Variants in TNS3 observed in about 807,000 individuals in gnomAD.
The protein encoded by TNS3 is tensin 3.
In TNS3, 45 loss-of-function variants were observed where a neutral mutation model predicts 140.9. The observed-to-expected ratio is 0.32, with a 90% confidence interval of 0.25 to 0.41. TNS3 has a LOEUF of 0.41. Ranked by LOEUF, TNS3 falls within the 10% of genes least tolerant of loss-of-function variation. The pLI, the probability that TNS3 is intolerant of heterozygous loss-of-function variation, is 1.00. For synonymous variants in TNS3, 815 were observed against 788.4 expected, an observed-to-expected ratio of 1.03 and a Z score of -0.56; for missense variants, 1,716 against 1,906.7, an observed-to-expected ratio of 0.90 and a Z score of 1.86.
At chr7:47,423,567 T>G (rs1033336695) in intron 10 of TNS3, among the ~76,000 whole-genome samples, 1 of 152,236 alleles carries the variant, frequency 6.6e-6, no homozygotes, top group Non-Finnish European at 1.5e-5. Context: ...AGGGAACTGA[T>G]GAGCTACAAG....
chr7:47,285,417 T>C (rs1785363956), intron 27 of TNS3, among the ~76,000 whole-genome samples: 1 of 152,184 alleles, frequency 6.6e-6, no homozygotes. Context: ...GCTGTTCTCG[T>C]AATAGTGAGT....
At chr7:47,385,063 C>G (rs1414007695) in intron 16 of TNS3, among the ~76,000 whole-genome samples, 3 of 152,242 alleles carry the variant, frequency 2.0e-5, no homozygotes, top group Admixed American at 2.0e-4. Flanking sequence ...CTGCCTTGTA[C>G]AGGTCAAGTG....
At chr7:47,349,779 A>G (rs1301766817) in intron 17 of TNS3, among the ~76,000 whole-genome samples, 4 of 152,254 alleles carry the variant, frequency 2.6e-5, no homozygotes, top group Non-Finnish European at 5.9e-5. Context: ...CAAAACCACT[A>G]CGTGCTAGGA....
chr7:47,400,316 T>C (rs1399980125), intron 15 of TNS3, 77 bp downstream of exon 15: 9 of 1,204,638 alleles, frequency 7.5e-6, no homozygotes, highest in Non-Finnish European at 9.8e-6. Flanking sequence ...AGACTAGTAC[T>C]ACAGCCCCAG....
At chr7:47,293,511 T>C (rs1009374599) in intron 25 of TNS3, among the ~76,000 whole-genome samples, 4 of 152,240 alleles carry the variant, frequency 2.6e-5, no homozygotes, top group East Asian at 1.9e-4. Context: ...ACGTCTGATA[T>C]GGTGCTTTTC....
intron 20 of TNS3, among the ~76,000 whole-genome samples, chr7:47,309,132 G>A (rs1019948640): frequency 5.3e-5 from 8 of 152,138 alleles, no homozygotes; most frequent in African/African-American, 1.9e-4. Flanking sequence ...TTCAGGGATC[G>A]TTGTCTTTCA....
intron 20 of TNS3, among the ~76,000 whole-genome samples, chr7:47,341,587 TTCCTAACAATAGTAATCTATGTCC>T (rs1273805981): frequency 6.6e-6 from 1 of 152,180 alleles, no homozygotes; most frequent in African/African-American, 2.4e-5. Context: ...GCCTGTTTCC[TTCCTAACAATAGTAATCTATGTCC>T]TCCATTTTTT....
rs1786104328 is a variant in TNS3 at position 47,297,443 on chromosome 7, TGAG to T, written c.3545-233_3545-231del. On this transcript the variant is annotated intron_variant, in intron 23 of 30. Coordinates refer to ENST00000311160, the MANE Select transcript of TNS3 (RefSeq NM_022748.12). ...ATGTTTCATGGGTGGGCCTGCCTGT[TGAG>T]GAGGCAGAAAGGACAGGAACATCCC... is the stretch of plus-strand genomic sequence containing the variant. 3.3e-5 allele frequency among the ~76,000 whole-genome samples: 5 copies of T among 152,032 alleles called. No individual in the cohort carries two copies. In the South Asian group the frequency reaches 1.0e-3, roughly 32 times the overall value.
chr7:47,485,563 C>T (rs1322974171), intron 3 of TNS3, among the ~76,000 whole-genome samples: 3 of 152,232 alleles, frequency 2.0e-5, no homozygotes, highest in Non-Finnish European at 4.4e-5. Flanking sequence ...GGCAGAGCAG[C>T]TCCCGTTAGC....
intron 8 of TNS3, among the ~76,000 whole-genome samples, chr7:47,434,326 C>T (rs1252408360): frequency 1.4e-5 from 2 of 139,110 alleles, no homozygotes; most frequent in Non-Finnish European, 3.2e-5. Context: ...AAAAAAAAAA[C>T]TTCTATCTTG....
intron 17 of TNS3, among the ~76,000 whole-genome samples, chr7:47,359,510 G>A (rs981634960): frequency 2.0e-5 from 3 of 152,102 alleles, no homozygotes; most frequent in Admixed American, 2.0e-4. Context: ...TACTACCACT[G>A]AACAGTACAC....
intron 4 of TNS3, among the ~76,000 whole-genome samples, chr7:47,478,774 A>G (rs1797295824): frequency 1.3e-5 from 2 of 152,150 alleles, no homozygotes; most frequent in South Asian, 4.1e-4. Context: ...TATAACATAC[A>G]TATTCATTTG....
At chr7:47,510,146 T>C (rs1584791880) in intron 2 of TNS3, among the ~76,000 whole-genome samples, 2 of 152,320 alleles carry the variant, frequency 1.3e-5, no homozygotes, top group East Asian at 3.9e-4. Flanking sequence ...GTCCCAATCT[T>C]GACCTGTTCC....
chr7:47,448,238 G>T (rs1795845572), intron 4 of TNS3, among the ~76,000 whole-genome samples: 1 of 152,214 alleles, frequency 6.6e-6, no homozygotes. Context: ...GGCATGCAGA[G>T]GGGGAGCACA....
intron 1 of TNS3, among the ~76,000 whole-genome samples, chr7:47,551,128 C>T (rs1800050144): frequency 6.6e-6 from 1 of 152,220 alleles, no homozygotes; most frequent in Admixed American, 6.5e-5. Context: ...CCGGTTCCTT[C>T]AGGAAGCATC....
intron 17 of TNS3, among the ~76,000 whole-genome samples, chr7:47,348,293 C>T (rs1789466424): frequency 6.6e-6 from 1 of 152,168 alleles, no homozygotes; most frequent in African/African-American, 2.4e-5. Flanking sequence ...GAGCCTGGTC[C>T]CCTTCCTGGA....
chr7:47,473,876 G>A (rs1360994613), intron 4 of TNS3, among the ~76,000 whole-genome samples: 1 of 152,150 alleles, frequency 6.6e-6, no homozygotes, highest in African/African-American at 2.4e-5. Context: ...GACCATTAAA[G>A]TGATTTCATT....
At chr7:47,495,918 T>C (rs574506908) in intron 3 of TNS3, among the ~76,000 whole-genome samples, 32 of 152,310 alleles carry the variant, frequency 2.1e-4, no homozygotes, top group African/African-American at 7.5e-4. Flanking sequence ...AGGAGAGCAG[T>C]GGACGAAACC....
At chr7:47,281,110 T>C (rs6959292) in intron 28 of TNS3, among the ~76,000 whole-genome samples, 106,789 of 152,086 alleles carry the variant, frequency 0.7, 37,571 homozygotes, top group Middle Eastern at 0.81. Flanking sequence ...ACAGGACAGA[T>C]GCCCAAGTCA....
Sources: gnomAD v4.1 joint callset for allele counts (sites outside exome capture counted in the v4.1 genomes callset) on GRCh38, gnomAD v4.1.1 for gene constraint, MANE v1.5 for transcripts, NCBI Gene and HGNC (gene_info 2026-07-23, HGNC 2026-07-21) for gene names.